Variants in DAPK2 observed in about 807,000 individuals in gnomAD.
DAPK2 encodes death-associated protein kinase 2.
A neutral mutation model predicts 44.1 loss-of-function variants in DAPK2; 35 were observed. The observed-to-expected ratio is 0.79, with a 90% CI of 0.61 to 1.05. The LOEUF (loss-of-function observed/expected upper bound fraction) is 1.05, where lower values mean the gene tolerates loss of function less well. DAPK2 is among the 50% of genes least tolerant of loss of function. The probability of loss-of-function intolerance (pLI) is 0.00; values close to 1 mark genes in which losing one functional copy is unlikely to be tolerated. For synonymous variants in DAPK2, 174 were observed against 182.6 expected, an observed-to-expected ratio of 0.95 and a Z score of 0.38; for missense variants, 453 against 483.2, an observed-to-expected ratio of 0.94 and a Z score of 0.59.
At chr15:64,003,794 C>G (rs557918117) in intron 1 of DAPK2, among the ~76,000 whole-genome samples, 8 of 152,102 alleles carry the variant, frequency 5.3e-5, no homozygotes, top group African/African-American at 1.4e-4. Flanking sequence ...TTAGTAGAGA[C>G]GGGGTTTCAC....
At chr15:64,006,297 A>G (rs1054686909) in intron 1 of DAPK2, among the ~76,000 whole-genome samples, 5 of 152,128 alleles carry the variant, frequency 3.3e-5, no homozygotes, top group Non-Finnish European at 5.9e-5. Flanking sequence ...AGCTTTTGCC[A>G]ATTTAACAAA....
intron 2 of DAPK2, among the ~76,000 whole-genome samples, chr15:63,975,604 CT>C (rs11418947): frequency 3.3e-4 from 48 of 146,410 alleles, no homozygotes; most frequent in Admixed American, 6.8e-4. Flanking sequence ...CTTTTCTTTT[CT>C]TTTTTTTTTT....
At chr15:64,024,203 C>CATG (rs2079770150) in intron 1 of DAPK2, among the ~76,000 whole-genome samples, 1 of 152,086 alleles carries the variant, frequency 6.6e-6, no homozygotes, top group Non-Finnish European at 1.5e-5. Flanking sequence ...ATCAATTCAT[C>CATG]CTTCAACCAG....
At chr15:63,962,935 C>T (rs28791519) in intron 3 of DAPK2, among the ~76,000 whole-genome samples, 6,385 of 152,342 alleles carry the variant, frequency 0.042, 150 homozygotes, top group South Asian at 0.092. Flanking sequence ...TTCAGCTATG[C>T]CGTGCCCCCA....
rs1051268754 is a variant in DAPK2 at position 63,923,428 on chromosome 15, C to A, written c.858+1388G>T. The A allele has an allele frequency of 7.5e-6, 11 of 1,475,606 alleles. No individual in the cohort carries two copies. Among genetic ancestry groups the A allele is most frequent in the Middle Eastern group, 2.3e-4 (1 of 4,392 alleles). The allele number at this position is 1,475,606 out of a possible 1,614,324, so 91.4% of individuals were successfully genotyped here. ...GTCCAAAGGGTAGGCAGAAGGCACA[C>A]AAGCGGCCTCTGGCATTCACTGCAT... On this transcript the variant is annotated intron_variant, in intron 8 of 10. Transcript: ENST00000261891. The surrounding 1 kb of genome is among the most constrained non-coding windows in gnomAD (Gnocchi z 4.2).
exon 3 of DAPK2, chr15:63,971,536 A>G: frequency 6.2e-7 from 1 of 1,614,210 alleles, no homozygotes; most frequent in South Asian, 1.1e-5. Context: ...TGGGCCAGGA[A>G]ATCGAAGAGC....
intron 1 of DAPK2, among the ~76,000 whole-genome samples, chr15:63,996,601 TAA>T (rs893122568): frequency 2.6e-5 from 4 of 152,198 alleles, no homozygotes; most frequent in African/African-American, 9.7e-5. Flanking sequence ...CTCAAATTCT[TAA>T]CATGCATGAG....
At chr15:63,981,184 G>A (rs116009575) in intron 2 of DAPK2, among the ~76,000 whole-genome samples, 2,307 of 151,878 alleles carry the variant, frequency 0.015, 48 homozygotes, top group African/African-American at 0.053. Context: ...CAGGTTACAT[G>A]GGTGGGACTG....
intron 3 of DAPK2, among the ~76,000 whole-genome samples, chr15:63,965,354 G>C (rs1364299910): frequency 6.6e-6 from 1 of 152,216 alleles, no homozygotes; most frequent in African/African-American, 2.4e-5. Context: ...TAGGGGAGGG[G>C]GAACACAAGC....
chr15:63,932,178 A>G (rs1187226126), intron 4 of DAPK2, among the ~76,000 whole-genome samples: 2 of 147,392 alleles, frequency 1.4e-5, no homozygotes, highest in Non-Finnish European at 3.0e-5. Context: ...AAAAAAAAAA[A>G]AAAAAGGCTG....
At chr15:63,941,361 C>G (rs554799846) in intron 3 of DAPK2, among the ~76,000 whole-genome samples, 4 of 152,342 alleles carry the variant, frequency 2.6e-5, no homozygotes, top group South Asian at 4.1e-4. Flanking sequence ...TTCTCTTGTC[C>G]AGCGGCCCTT....
intron 3 of DAPK2, among the ~76,000 whole-genome samples, chr15:63,957,517 C>A (rs1240471717): frequency 8.5e-6 from 1 of 117,778 alleles, no homozygotes; most frequent in African/African-American, 3.2e-5. Flanking sequence ...TCCCCCCACC[C>A]CATGACAGGC....
Position 63,922,538 on chromosome 15 carries a change from AACCAG to A in DAPK2, c.858+2273_858+2277del, listed in dbSNP as rs1241668004. 94 of 1,369,498 alleles carry A rather than the reference AACCAG, an allele frequency of 6.9e-5. No homozygotes were observed. In the East Asian group the frequency reaches 2.2e-3, roughly 32 times the overall value. 84.8% of individuals were successfully genotyped at this position (1,369,498 alleles called of 1,614,324 possible). A position where few individuals can be genotyped will look rare whatever the true frequency, so the allele number is the denominator to read the frequency against. On this transcript the variant is annotated intron_variant, in intron 8 of 10. Coordinates refer to ENST00000261891, the Ensembl canonical transcript of DAPK2. ...CTGCCCTGCCAGAGCCCTCCCAGAA[AACCAG>A]ATTGGTGAGGGGAGGTGCAGAATGA...
At chr15:64,001,140 G>A (rs906748255) in intron 1 of DAPK2, among the ~76,000 whole-genome samples, 1 of 151,516 alleles carries the variant, frequency 6.6e-6, no homozygotes, top group African/African-American at 2.4e-5. Flanking sequence ...GCCTCCCAAA[G>A]TGCTGCAAGT....
chr15:63,980,035 A>G lies in DAPK2; in HGVS notation c.314+3498T>C, dbSNP rs912580020. Among the ~76,000 whole-genome samples the G allele has an allele frequency of 2.6e-5, 4 of 152,302 alleles. No homozygotes were observed. Among genetic ancestry groups the G allele is most frequent in the Middle Eastern group, 3.4e-3 (1 of 294 alleles). ...TCTTGGAACGCTTGGGTCTTCTCCAATCTCATAAATTCTTAGCAGTCCATA... is the reference window on the plus strand; with the variant it reads ...TCTTGGAACGCTTGGGTCTTCTCCAGTCTCATAAATTCTTAGCAGTCCATA... On this transcript the variant is annotated intron_variant, in intron 2 of 10. Coordinates refer to ENST00000261891, the Ensembl canonical transcript of DAPK2. The surrounding 1 kb of genome is among the most constrained non-coding windows in gnomAD (Gnocchi z 4.3).
Position 63,908,546 on chromosome 15 carries a change from G to A in DAPK2, c.1087C>T (p.Pro363Ser), listed in dbSNP as rs1314460243. The change falls in exon 11 of 11, where the codon CCA becomes TCA. Residue 363 changes from proline (P) to serine (S), a missense_variant. Transcript: ENST00000261891. The surrounding 1 kb of genome is among the most constrained non-coding windows in gnomAD (Gnocchi z 5.7). ...TAGGAGGTGCTGCTCCTCCTCCGTG[G>A]GTGGAGGGCTTTCCTCCTGGCGATG... 3.1e-6 allele frequency: 5 copies of A among 1,601,000 alleles called. No individual in the cohort carries two copies. The highest frequency in any genetic ancestry group is 1.1e-5 in the South Asian group (1 of 87,898).
At chr15:63,921,601 G>A (rs1180081756) in intron 8 of DAPK2, 2 of 152,186 alleles carry the variant, frequency 1.3e-5, no homozygotes, top group Non-Finnish European at 2.9e-5. Context: ...CAAAGCTTTG[G>A]GTCATGAAAC....
intron 3 of DAPK2, among the ~76,000 whole-genome samples, chr15:63,952,325 G>C (rs1177893844): frequency 1.3e-5 from 2 of 152,218 alleles, no homozygotes; most frequent in Admixed American, 6.5e-5. Flanking sequence ...AGGTGGCAAG[G>C]ATGGTGAAAG....
intron 3 of DAPK2, among the ~76,000 whole-genome samples, chr15:63,969,446 CTG>C (rs2078146483): frequency 6.7e-6 from 1 of 148,976 alleles, no homozygotes; most frequent in African/African-American, 2.5e-5. Flanking sequence ...CAAAAACAAA[CTG>C]ACAATCATGG....
Sources: allele counts gnomAD v4.1 joint callset (sites outside exome capture counted in the v4.1 genomes callset), GRCh38; gene constraint gnomAD v4.1.1; non-coding constraint Gnocchi (gnomAD v3.1); transcripts MANE v1.5; gene names NCBI Gene and HGNC (gene_info 2026-07-23, HGNC 2026-07-21).